Variants in SLC14A1 observed in about 807,000 individuals in gnomAD.
SLC14A1 encodes solute carrier family 14 member 1 (Kidd blood group).
In SLC14A1, 36 loss-of-function variants were observed where a neutral mutation model predicts 39.6. That is an observed-to-expected ratio of 0.91 (90% CI 0.70 to 1.20). The LOEUF is 1.20. SLC14A1 is among the 50% of genes most tolerant of loss of function. The pLI is 0.00. For synonymous variants in SLC14A1, 164 were observed against 173.6 expected (o/e 0.94, Z 0.43); for missense variants, 469 against 478.7 (o/e 0.98, Z 0.19).
chr18:45,748,706 C>A (rs2144862578), intron 9 of SLC14A1, among the ~76,000 whole-genome samples: 1 of 152,312 alleles, frequency 6.6e-6, no homozygotes, highest in Middle Eastern at 3.4e-3. Flanking sequence ...CAGAGTCTAA[C>A]TCTAAGTGAT....
intron 8 of SLC14A1, among the ~76,000 whole-genome samples, chr18:45,745,756 G>A (rs2047528370): frequency 6.6e-6 from 1 of 152,188 alleles, no homozygotes; most frequent in Non-Finnish European, 1.5e-5. Flanking sequence ...ACTGCTGCCA[G>A]CAGTGTGTGA....
chr18:45,732,506 T>C (rs1444196106), intron 4 of SLC14A1, among the ~76,000 whole-genome samples: 1 of 152,174 alleles, frequency 6.6e-6, no homozygotes, highest in Non-Finnish European at 1.5e-5. Context: ...ACAAAGAACT[T>C]TTGAATAGGG....
chr18:45,727,528 AGCCAAAG>A (rs1423310240), intron 2 of SLC14A1: 1 of 1,282,094 alleles, frequency 7.8e-7, no homozygotes, highest in African/African-American at 1.5e-5. Flanking sequence ...CTGTGAGCTA[AGCCAAAG>A]GCACAGGGAT....
At chr18:45,740,639 A>G (rs7234986) in intron 8 of SLC14A1, among the ~76,000 whole-genome samples, 72,132 of 151,834 alleles carry the variant, frequency 0.48, 17,281 homozygotes, top group East Asian at 0.52. Context: ...GGGCTCAAGC[A>G]ATCCTGCAGC....
intron 8 of SLC14A1, among the ~76,000 whole-genome samples, chr18:45,746,546 T>G (rs1201641407): frequency 6.6e-6 from 1 of 152,138 alleles, no homozygotes; most frequent in African/African-American, 2.4e-5. Context: ...CCTCATGTGC[T>G]CAGGGGTGGT....
At chr18:45,737,379 T>A (rs1004545545) in intron 6 of SLC14A1, 1 of 152,524 alleles carries the variant, frequency 6.6e-6, no homozygotes, top group Non-Finnish European at 1.5e-5. Flanking sequence ...GCTCTTCCTG[T>A]TGGTGTGTAA....
chr18:45,730,928 T>C, intron 3 of SLC14A1, 87 bp from the exon 4 acceptor site: 1 of 1,122,156 alleles, frequency 8.9e-7, no homozygotes, highest in South Asian at 1.2e-5. Flanking sequence ...TTCCAGGAGG[T>C]TTTGCTGATT....
At chr18:45,735,306 G>A (rs1426942976) in intron 5 of SLC14A1, among the ~76,000 whole-genome samples, 1 of 152,192 alleles carries the variant, frequency 6.6e-6, no homozygotes, top group African/African-American at 2.4e-5. Context: ...CCGGCCCCAG[G>A]GTTTCTGATG....
intron 2 of SLC14A1, among the ~76,000 whole-genome samples, chr18:45,728,092 T>A (rs1402591912): frequency 1.3e-5 from 2 of 152,196 alleles, no homozygotes; most frequent in Non-Finnish European, 2.9e-5. Flanking sequence ...GAAATTAGAT[T>A]CACAAATGGC....
chr18:45,750,340 A>T lies in SLC14A1; in HGVS notation c.*389A>T. 9.1e-7 allele frequency: 1 copy of T among 1,103,624 alleles called. No individual in the cohort carries two copies. The highest frequency in any genetic ancestry group is 1.1e-6 in the Non-Finnish European group (1 of 901,482). 68.4% of individuals were successfully genotyped at this position (1,103,624 alleles called of 1,614,324 possible). On this transcript the variant is annotated 3_prime_UTR_variant, in exon 10 of 10. Coordinates refer to ENST00000321925, the MANE Select transcript of SLC14A1 (RefSeq NM_015865.7). ...AAAAATTAAACCCCATAAACCAACTAAGCCTTATGGAATTCACAGTCACAA... is the reference window on the plus strand; with the variant it reads ...AAAAATTAAACCCCATAAACCAACTTAGCCTTATGGAATTCACAGTCACAA...
At chr18:45,745,513 A>G (rs1247171309) in intron 8 of SLC14A1, among the ~76,000 whole-genome samples, 1 of 152,130 alleles carries the variant, frequency 6.6e-6, no homozygotes, top group African/African-American at 2.4e-5. Flanking sequence ...ATTTTATATG[A>G]TAAGTGCCCT....
intron 4 of SLC14A1, chr18:45,731,430 A>AT: frequency 1.7e-6 from 1 of 600,508 alleles, no homozygotes; most frequent in South Asian, 1.8e-5. Context: ...TTCTTGTGGC[A>AT]TTACGTGCTA....
chr18:45,736,612 T>C lies in SLC14A1; in HGVS notation c.627T>C (p.Ala209=). The C allele has an allele frequency of 6.2e-7, 1 of 1,614,104 alleles. No homozygotes were observed. Among genetic ancestry groups the C allele is most frequent in the Non-Finnish European group, 8.5e-7 (1 of 1,180,014 alleles). ...AACTGGTCATACCTATAACTACAGC[T>C]CCAAATATCTCCTGGTCTGACCTCA... ...PAKLVIPITT[A]PNISWSDLSA... Residue 209 remains alanine (A), a synonymous_variant, in exon 6 of 10, where the codon GCT becomes GCC. Transcript: ENST00000321925.
Position 45,751,962 on chromosome 18 carries a change from A to C in SLC14A1, c.*2011A>C, listed in dbSNP as rs2047722741. 2.0e-6 allele frequency: 2 copies of C among 985,254 alleles called. No individual in the cohort carries two copies. The highest frequency in any genetic ancestry group is 2.4e-6 in the Non-Finnish European group (2 of 829,926). The allele number at this position is 985,254 out of a possible 1,614,324, so 61.0% of individuals were successfully genotyped here. On this transcript the variant is annotated 3_prime_UTR_variant, in exon 10 of 10. Coordinates refer to ENST00000321925, the MANE Select transcript of SLC14A1 (RefSeq NM_015865.7). ...TGCACAATATACATTTTGCTGAATG[A>C]ATAAACAGAAATAGGGAAGTAAACC...
chr18:45,735,314 A>G (rs2047158690), intron 5 of SLC14A1, among the ~76,000 whole-genome samples: 1 of 152,162 alleles, frequency 6.6e-6, no homozygotes. Flanking sequence ...AGGGTTTCTG[A>G]TGCAGTCTAT....
At chr18:45,724,834 C>A (rs2046820234) in intron 1 of SLC14A1, 116 bp from the exon 2 acceptor site, 1 of 152,168 alleles carries the variant, frequency 6.6e-6, no homozygotes, top group Non-Finnish European at 1.5e-5. Flanking sequence ...TTCCTTGCAG[C>A]TGCACTCTCT....
In SLC14A1 at chr18:45,739,202, G is replaced by A. The variant is rs1465374937; in HGVS notation, c.703G>A (p.Gly235Ser). The A allele has an allele frequency of 1.2e-6, 2 of 1,614,092 alleles. No individual in the cohort carries two copies. Among genetic ancestry groups the A allele is most frequent in the South Asian group, 2.2e-5 (2 of 91,080 alleles). The change falls in exon 7 of 10, where the codon GGC becomes AGC. Residue 235 changes from glycine (G) to serine (S), a missense_variant. Physicochemically the swap from Gly to Ser is moderately conservative, Grantham distance 56. Transcript: ENST00000321925. ...ACCAGTGGGAGTTGGTCAGATCTAT[G>A]GCTGTGATAATCCATGGACAGGGGG... is the stretch of plus-strand genomic sequence containing the variant. ...SIPVGVGQIY[G>S]CDNPWTGGIF... is the part of the protein sequence containing the mutation.
At chr18:45,740,293 TTGAG>T (rs1260087631) in intron 8 of SLC14A1, among the ~76,000 whole-genome samples, 1 of 152,172 alleles carries the variant, frequency 6.6e-6, no homozygotes, top group Admixed American at 6.5e-5. Context: ...ATTTACCCCT[TTGAG>T]TGAGCATCAC....
At chr18:45,727,323 G>A (rs551271108) in intron 2 of SLC14A1, 23 of 1,551,520 alleles carry the variant, frequency 1.5e-5, no homozygotes, top group Admixed American at 9.8e-5. Context: ...TCATGGTCCT[G>A]TTTGGAAGGA....
Sources: gnomAD v4.1 joint callset for allele counts (sites outside exome capture counted in the v4.1 genomes callset) on GRCh38, gnomAD v4.1.1 for gene constraint, MANE v1.5 for transcripts, NCBI Gene and HGNC (gene_info 2026-07-23, HGNC 2026-07-21) for gene names.